Variants in BLK observed in about 807,000 individuals in gnomAD.
BLK encodes the protein BLK proto-oncogene, Src family tyrosine kinase.
Under a neutral mutation model 61.8 loss-of-function variants are expected in BLK, and 64 were observed. The observed-to-expected ratio is 1.03, with a 90% confidence interval of 0.85 to 1.27. BLK has a LOEUF of 1.27. Among genes scored for constraint, BLK ranks in the 50% most tolerant of loss-of-function variants. The pLI, the probability that BLK is intolerant of heterozygous loss-of-function variation, is 0.00. For missense variants in BLK, 853 were observed against 660.5 expected (o/e 1.29, Z -3.19); for synonymous variants, 351 against 272.0 (o/e 1.29, Z -2.86).
At chr8:11,502,982 GCTA>G (rs1798626221) in intron 1 of BLK, among the ~76,000 whole-genome samples, 1 of 152,188 alleles carries the variant, frequency 6.6e-6, no homozygotes, top group African/African-American at 2.4e-5. Flanking sequence ...TCGCAAAACG[GCTA>G]CTGTTTTCCA....
Position 11,546,071 on chromosome 8 carries a change from C to G in BLK, c.143C>G (p.Thr48Ser), listed in dbSNP as rs35339715. 20 of 1,614,100 alleles carry G rather than the reference C, an allele frequency of 1.2e-5. No homozygotes were observed. The highest frequency in any genetic ancestry group is 1.6e-5 in the Non-Finnish European group (19 of 1,180,046). Residue 48 changes from threonine to serine, a missense_variant, in exon 3 of 13, where the codon ACT becomes AGT. Coordinates refer to ENST00000259089, the MANE Select transcript of BLK (RefSeq NM_001715.3). ...LPPLVVFNHL[T>S]PPPPDEHLDE... ...CCCAAGGTTGTCTTCAACCACCTTA[C>G]TCCTCCACCGCCCGATGAACACCTG...
chr8:11,535,225 GAA>G (rs1305804513), intron 1 of BLK, among the ~76,000 whole-genome samples: 1 of 124,514 alleles, frequency 8.0e-6, no homozygotes, highest in Non-Finnish European at 1.7e-5. Flanking sequence ...GAGAGAGAAA[GAA>G]AGAAAAAGAA....
At chr8:11,499,852 T>C (rs759430550) in intron 1 of BLK, among the ~76,000 whole-genome samples, 2 of 152,222 alleles carry the variant, frequency 1.3e-5, no homozygotes, top group Non-Finnish European at 2.9e-5. Context: ...ACCAGCTTTA[T>C]ACACATTTTT....
chr8:11,501,229 T>G (rs1798548577), intron 1 of BLK, among the ~76,000 whole-genome samples: 1 of 152,176 alleles, frequency 6.6e-6, no homozygotes, highest in Admixed American at 6.5e-5. Context: ...TTAATTTTAT[T>G]TACTATTTTA....
At chr8:11,545,497 C>G (rs561962462) in intron 2 of BLK, among the ~76,000 whole-genome samples, 1 of 151,974 alleles carries the variant, frequency 6.6e-6, no homozygotes, top group Admixed American at 6.6e-5. Flanking sequence ...TGCAGTGATC[C>G]GAGATTACGC....
chr8:11,559,783 C>T lies in BLK; in HGVS notation c.1030-1519C>T, dbSNP rs146010919. The T allele has an allele frequency of 1.7e-3, 756 of 456,252 alleles. 6 individuals carry two copies. The highest frequency in any genetic ancestry group is 3.1e-3 in the South Asian group (199 of 64,562). The allele number at this position is 456,252 out of a possible 1,614,324, so 28.3% of individuals were successfully genotyped here. A position where few individuals can be genotyped will look rare whatever the true frequency, so the allele number is the denominator to read the frequency against. ...CCCAGGAAGCCTTGAACACTTCCCA[C>T]CTGGCAGAATCCTTATCATCATCCA... On this transcript the variant is annotated intron_variant, in intron 10 of 12. Coordinates refer to ENST00000259089, the MANE Select transcript of BLK (RefSeq NM_001715.3).
intron 1 of BLK, among the ~76,000 whole-genome samples, chr8:11,528,863 C>T (rs1476114172): frequency 1.3e-5 from 2 of 152,126 alleles, no homozygotes; most frequent in African/African-American, 4.8e-5. Context: ...TAAAACCAAA[C>T]ACTGTATGTT....
At chr8:11,514,520 G>A (rs549049380) in intron 1 of BLK, among the ~76,000 whole-genome samples, 30 of 152,322 alleles carry the variant, frequency 2.0e-4, no homozygotes, top group African/African-American at 6.5e-4. Flanking sequence ...TGAGCTCTGA[G>A]CAGTGAGGGG....
chr8:11,520,408 T>A (rs530543904), intron 1 of BLK, among the ~76,000 whole-genome samples: 3 of 135,506 alleles, frequency 2.2e-5, no homozygotes, highest in African/African-American at 8.4e-5. Context: ...GCCCAGAAGA[T>A]TGAGGCTGCA....
intron 12 of BLK, 111 bp downstream of exon 12, chr8:11,563,221 C>A: frequency 6.7e-7 from 1 of 1,500,052 alleles, no homozygotes; most frequent in South Asian, 1.2e-5. Context: ...GAGTGAGTCC[C>A]AGAGCGAAGA....
At chr8:11,563,832 G>A in intron 12 of BLK, 71 bp from the exon 13 acceptor site, 3 of 1,451,794 alleles carry the variant, frequency 2.1e-6, no homozygotes, top group Non-Finnish European at 2.8e-6. Context: ...GTGCCCCGCG[G>A]GACGCTCAGG....
At chr8:11,516,364 G>A (rs2736361) in intron 1 of BLK, among the ~76,000 whole-genome samples, 3,267 of 152,222 alleles carry the variant, frequency 0.021, 118 homozygotes, top group African/African-American at 0.075. Flanking sequence ...CCCGAGTCCT[G>A]CACTTGGTGG....
chr8:11,555,964 C>T (rs1801195070), intron 8 of BLK: 3 of 126,094 alleles, frequency 2.4e-5, no homozygotes, highest in Admixed American at 1.6e-4. Context: ...TGCCCCCTTC[C>T]CCCCCCCGCC....
intron 7 of BLK, 144 bp from the exon 8 acceptor site, chr8:11,555,187 GT>G: frequency 1.8e-6 from 2 of 1,127,854 alleles, no homozygotes; most frequent in Middle Eastern, 5.5e-4. Flanking sequence ...AGTTGAGTGT[GT>G]GTGCATGTGC....
intron 1 of BLK, among the ~76,000 whole-genome samples, chr8:11,527,655 GGT>G (rs1189418182): frequency 6.6e-6 from 1 of 151,872 alleles, no homozygotes; most frequent in Admixed American, 6.6e-5. Flanking sequence ...AAATCGTAGG[GGT>G]GTGGAAAATT....
chr8:11,534,180 A>G (rs1800016477), intron 1 of BLK, among the ~76,000 whole-genome samples: 1 of 152,248 alleles, frequency 6.6e-6, no homozygotes, highest in Non-Finnish European at 1.5e-5. Context: ...AAAGAATCAT[A>G]ACTGACTCCA....
At chr8:11,557,936 G>A in intron 9 of BLK, 26 bp from the exon 10 acceptor site, 1 of 1,610,674 alleles carries the variant, frequency 6.2e-7, no homozygotes, top group South Asian at 1.1e-5. Flanking sequence ...TTTGCAGAAG[G>A]GCACTTGCAA....
At chr8:11,560,410 CATGGAT>C (rs1801455953) in intron 10 of BLK, 1 of 225,370 alleles carries the variant, frequency 4.4e-6, no homozygotes, top group African/African-American at 2.4e-5. Flanking sequence ...TGGATGGATG[CATGGAT>C]AGATGGATGG....
At chr8:11,523,420 G>A (rs1011313930) in intron 1 of BLK, among the ~76,000 whole-genome samples, 5 of 152,084 alleles carry the variant, frequency 3.3e-5, no homozygotes, top group Admixed American at 3.3e-4. Flanking sequence ...GAGCATGGTG[G>A]TGGGCGCCTG....
Sources: gnomAD v4.1 joint callset for allele counts (sites outside exome capture counted in the v4.1 genomes callset) on GRCh38, gnomAD v4.1.1 for gene constraint, MANE v1.5 for transcripts, NCBI Gene and HGNC (gene_info 2026-07-23, HGNC 2026-07-21) for gene names.